HPSE2: variants seen among roughly 807,000 people sequenced by gnomAD.
The protein encoded by HPSE2 is heparanase 2 (inactive), also known as inactive heparanase-2.
In HPSE2, 38 loss-of-function variants were observed where a neutral mutation model predicts 60.5. The ratio of observed to expected loss-of-function variants is 0.63; its 90% confidence interval spans 0.48 to 0.82. The LOEUF is 0.82. Ranked by LOEUF, HPSE2 falls within the 40% of genes least tolerant of loss-of-function variation. HPSE2 has a pLI of 0.00. For synonymous variants in HPSE2, 295 were observed against 293.2 expected (o/e 1.01, Z -0.06); for missense variants, 713 against 740.4 (o/e 0.96, Z 0.43).
At chr10:99,066,728 A>C (rs1247434402) in intron 3 of HPSE2, among the ~76,000 whole-genome samples, 1 of 152,108 alleles carries the variant, frequency 6.6e-6, no homozygotes, top group Non-Finnish European at 1.5e-5. Flanking sequence ...AATTCAAGGT[A>C]AGATTTGGGT....
chr10:99,013,125 A>C (rs536523718), intron 3 of HPSE2: 2 of 666,846 alleles, frequency 3.0e-6, no homozygotes, highest in East Asian at 6.6e-5. Flanking sequence ...TCGTGACATT[A>C]ACCATTCAAG....
intron 3 of HPSE2, among the ~76,000 whole-genome samples, chr10:98,813,781 G>A (rs969166151): frequency 5.3e-5 from 8 of 151,950 alleles, no homozygotes; most frequent in Admixed American, 1.3e-4. Flanking sequence ...TCTTTAAATT[G>A]CACTCTTTCT....
intron 3 of HPSE2, among the ~76,000 whole-genome samples, chr10:98,817,257 C>T (rs7894044): frequency 6.6e-6 from 1 of 152,080 alleles, no homozygotes; most frequent in Non-Finnish European, 1.5e-5. Context: ...CTAAACCTTG[C>T]AGTGATTGTC....
intron 4 of HPSE2, among the ~76,000 whole-genome samples, chr10:98,724,704 C>T (rs551201659): frequency 4.9e-4 from 74 of 152,154 alleles, no homozygotes; most frequent in African/African-American, 1.6e-3. Flanking sequence ...TGAATTGATC[C>T]CTTTACCATT....
intron 9 of HPSE2, among the ~76,000 whole-genome samples, chr10:98,600,321 C>G (rs1009043722): frequency 6.6e-6 from 1 of 152,086 alleles, no homozygotes; most frequent in African/African-American, 2.4e-5. Flanking sequence ...AGAAAACATT[C>G]ACTTAGGATA....
rs531154903 is a variant in HPSE2 at position 99,002,188 on chromosome 10, A to G, written c.610+142050T>C. ...GTAATATTATAACCCAAAATATAAA[A>G]TAAATATCCATATTCACTATTAATA... On this transcript the variant is annotated intron_variant, in intron 3 of 11. Coordinates refer to ENST00000370552, the MANE Select transcript of HPSE2 (RefSeq NM_021828.5). 2.0e-5 allele frequency among the ~76,000 whole-genome samples: 3 copies of G among 152,284 alleles called. No individual in the cohort carries two copies. In the South Asian group the frequency reaches 6.2e-4, roughly 32 times the overall value.
At chr10:99,207,368 C>A (rs1201557787) in intron 2 of HPSE2, among the ~76,000 whole-genome samples, 1 of 152,122 alleles carries the variant, frequency 6.6e-6, no homozygotes, top group Non-Finnish European at 1.5e-5. Context: ...AGGAACTCAT[C>A]ATCACCAGAC....
chr10:98,779,135 C>G (rs1407978418), intron 3 of HPSE2, among the ~76,000 whole-genome samples: 2 of 152,098 alleles, frequency 1.3e-5, no homozygotes, highest in Non-Finnish European at 2.9e-5. Flanking sequence ...GGCTCAGAGT[C>G]TGTGAATCTA....
intron 8 of HPSE2, among the ~76,000 whole-genome samples, chr10:98,616,123 T>C (rs1302839296): frequency 6.6e-6 from 1 of 151,972 alleles, no homozygotes; most frequent in African/African-American, 2.4e-5. Flanking sequence ...AGATTTCTTC[T>C]CATATATTAA....
chr10:99,025,772 T>C (rs911285880), intron 3 of HPSE2, among the ~76,000 whole-genome samples: 2 of 152,042 alleles, frequency 1.3e-5, no homozygotes. Context: ...GCTTAATACC[T>C]GGGTGATGAA....
At chr10:98,849,086 T>A (rs934578290) in intron 3 of HPSE2, among the ~76,000 whole-genome samples, 55 of 151,940 alleles carry the variant, frequency 3.6e-4, no homozygotes, top group Non-Finnish European at 7.2e-4. Context: ...TGAGTTACTA[T>A]GTCCTTTTTT....
chr10:99,265,992 C>T, the HPSE2 span, among the ~76,000 whole-genome samples: 1 of 152,218 alleles, frequency 6.6e-6, no homozygotes. Context: ...TCTCAGTCCC[C>T]AGAGAAGCCA....
chr10:98,660,261 C>T (rs190613417), intron 6 of HPSE2, among the ~76,000 whole-genome samples: 23 of 152,328 alleles, frequency 1.5e-4, no homozygotes, highest in Non-Finnish European at 3.2e-4. Flanking sequence ...TTTGTTAGCA[C>T]TATGAGTGCA....
In HPSE2 at chr10:98,620,636, T is replaced by A; in HGVS notation, c.1171A>T (p.Asn391Tyr). Residue 391 changes from asparagine (N) to tyrosine (Y), a missense_variant, in exon 8 of 12, where the codon AAC becomes TAC. Asn to Tyr is a moderately radical substitution (Grantham distance 143, BLOSUM62 -2). Transcript: ENST00000370552. ...GVVTTSAGGT[N>Y]NLSDSYAAGF... ...GCAGCATAGGAATCGGATAGATTGT[T>A]TGTGCCTCCAGCTGAGGTGGTCACC... 1 of 1,614,112 alleles carries A rather than the reference T, an allele frequency of 6.2e-7. No individual in the cohort carries two copies. The highest frequency in any genetic ancestry group is 8.5e-7 in the Non-Finnish European group (1 of 1,179,968).
At chr10:98,698,740 C>T (rs1744377223) in intron 5 of HPSE2, among the ~76,000 whole-genome samples, 1 of 152,084 alleles carries the variant, frequency 6.6e-6, no homozygotes, top group South Asian at 2.1e-4. Context: ...TGATAGACTG[C>T]TAGCAAGACT....
chr10:98,705,124 T>A (rs972320267), intron 5 of HPSE2, among the ~76,000 whole-genome samples: 1 of 152,140 alleles, frequency 6.6e-6, no homozygotes, highest in Non-Finnish European at 1.5e-5. Context: ...CAAAAGAAGA[T>A]ATTAATGTGG....
intron 3 of HPSE2, among the ~76,000 whole-genome samples, chr10:98,939,264 G>A (rs1432010808): frequency 1.4e-5 from 2 of 143,786 alleles, no homozygotes; most frequent in Non-Finnish European, 3.0e-5. Flanking sequence ...TGGATTAAAT[G>A]CTCCAATTAA....
intron 7 of HPSE2, among the ~76,000 whole-genome samples, chr10:98,640,205 C>G (rs78090224): frequency 0.029 from 4,358 of 152,318 alleles, 234 homozygotes; most frequent in African/African-American, 0.1. Context: ...TCTTATACCA[C>G]TTTGTATCCC....
intron 3 of HPSE2, among the ~76,000 whole-genome samples, chr10:98,881,253 G>A (rs1328426833): frequency 1.3e-5 from 2 of 152,062 alleles, no homozygotes; most frequent in Non-Finnish European, 2.9e-5. Flanking sequence ...GTTCTTATGG[G>A]TAGGGATTCC....
Sources: gnomAD v4.1 joint callset for allele counts (sites outside exome capture counted in the v4.1 genomes callset) on GRCh38, gnomAD v4.1.1 for gene constraint, MANE v1.5 for transcripts, NCBI Gene and HGNC (gene_info 2026-07-23, HGNC 2026-07-21) for gene names.